The following PLCL1 variants were observed in gnomAD, a reference collection of about 807,000 sequenced individuals.
The protein encoded by PLCL1 is inactive phospholipase C-like protein 1.
In PLCL1, 41 loss-of-function variants were observed where a neutral mutation model predicts 84.4. The ratio of observed to expected loss-of-function variants is 0.49; its 90% CI spans 0.38 to 0.63. The LOEUF is 0.63. PLCL1 is among the 30% of genes least tolerant of loss of function. The pLI is 0.00. For synonymous variants in PLCL1, 490 were observed against 488.3 expected (o/e 1.00, Z -0.05); for missense variants, 1,206 against 1,367.8 (o/e 0.88, Z 1.87).
intron 1 of PLCL1, among the ~76,000 whole-genome samples, chr2:198,009,055 T>G (rs73058834): frequency 0.18 from 27,982 of 151,856 alleles, 2,635 homozygotes; most frequent in East Asian, 0.26. Context: ...AATTTTTTTG[T>G]TGTTGTTAAA....
chr2:198,126,613 G>A (rs1693991352), intron 5 of PLCL1, among the ~76,000 whole-genome samples: 1 of 152,070 alleles, frequency 6.6e-6, no homozygotes, highest in South Asian at 2.1e-4. Flanking sequence ...AGTTAAAAAT[G>A]ATAGAGCCAG....
intron 1 of PLCL1, among the ~76,000 whole-genome samples, chr2:197,928,619 A>AATTCTAAAAG (rs1405846518): frequency 2.3e-4 from 35 of 152,198 alleles, no homozygotes; most frequent in African/African-American, 8.2e-4. Context: ...TGGATCCCAC[A>AATTCTAAAAG]ATTCTAAAAG....
At chr2:198,110,751 C>A (rs1398073826) in intron 5 of PLCL1, among the ~76,000 whole-genome samples, 1 of 151,770 alleles carries the variant, frequency 6.6e-6, no homozygotes, top group Non-Finnish European at 1.5e-5. Flanking sequence ...GACATAGTGA[C>A]CATGCCTTTG....
intron 5 of PLCL1, among the ~76,000 whole-genome samples, chr2:198,118,672 C>T (rs1226723904): frequency 6.6e-6 from 1 of 151,980 alleles, no homozygotes; most frequent in Non-Finnish European, 1.5e-5. Context: ...TAAGGTTTAA[C>T]AGTCTAATCC....
intron 1 of PLCL1, among the ~76,000 whole-genome samples, chr2:197,985,234 C>G (rs1400767463): frequency 6.6e-6 from 1 of 152,196 alleles, no homozygotes; most frequent in Non-Finnish European, 1.5e-5. Context: ...CGTGTGAAGT[C>G]TCAGTTTCTT....
At chr2:198,083,139 G>A (rs1054451219) in intron 1 of PLCL1, among the ~76,000 whole-genome samples, 4 of 152,324 alleles carry the variant, frequency 2.6e-5, no homozygotes, top group South Asian at 4.1e-4. Context: ...ATGCAGGCGT[G>A]AATTCCTATA....
chr2:198,109,299 A>G (rs1224190310), intron 5 of PLCL1, among the ~76,000 whole-genome samples: 1 of 151,824 alleles, frequency 6.6e-6, no homozygotes. Context: ...AAAAGAAGGT[A>G]AAAGGGCCTA....
intron 1 of PLCL1, among the ~76,000 whole-genome samples, chr2:198,075,373 CA>C: frequency 6.6e-6 from 1 of 152,244 alleles, no homozygotes; most frequent in Non-Finnish European, 1.5e-5. Flanking sequence ...AATAAATCGT[CA>C]GATGACCTTT....
intron 1 of PLCL1, among the ~76,000 whole-genome samples, chr2:197,806,069 C>T (rs1486141363): frequency 1.3e-5 from 2 of 152,170 alleles, no homozygotes; most frequent in Non-Finnish European, 2.9e-5. Flanking sequence ...ATCTTCCTTC[C>T]ACTTGGGGCT....
intron 1 of PLCL1, among the ~76,000 whole-genome samples, chr2:197,853,059 C>T (rs1315787998): frequency 1.3e-5 from 2 of 152,164 alleles, no homozygotes; most frequent in African/African-American, 4.8e-5. Flanking sequence ...CACTATTCTG[C>T]TTTCTGTCTT....
At chr2:198,065,682 T>C (rs915556364) in intron 1 of PLCL1, among the ~76,000 whole-genome samples, 2 of 152,226 alleles carry the variant, frequency 1.3e-5, no homozygotes, top group African/African-American at 2.4e-5. Context: ...TTGCATCTGT[T>C]TGTGGCTGTT....
Position 198,146,971 on chromosome 2 carries a change from A to G in PLCL1, c.*9A>G. On this transcript the variant is annotated 3_prime_UTR_variant, in exon 6 of 6. Coordinates refer to ENST00000428675, the MANE Select transcript of PLCL1 (RefSeq NM_006226.4). ...AGAATGGGAAGCTGTGACTCTGGGCATTATCGACACGTTCACCCATCTTAT... is the reference window on the plus strand; with the variant it reads ...AGAATGGGAAGCTGTGACTCTGGGCGTTATCGACACGTTCACCCATCTTAT... The G allele has an allele frequency of 6.3e-7, 1 of 1,576,344 alleles. No individual in the cohort carries two copies. Among genetic ancestry groups the G allele is most frequent in the Non-Finnish European group, 8.6e-7 (1 of 1,157,168 alleles).
chr2:197,865,649 G>T (rs1266320091), intron 1 of PLCL1, among the ~76,000 whole-genome samples: 1 of 152,016 alleles, frequency 6.6e-6, no homozygotes, highest in Non-Finnish European at 1.5e-5. Context: ...TAATTAGCAC[G>T]TTAAGTTAGA....
chr2:198,101,508 C>A, intron 4 of PLCL1, 148 bp downstream of exon 4: 1 of 598,124 alleles, frequency 1.7e-6, no homozygotes, highest in East Asian at 2.8e-5. Flanking sequence ...CTTTAAGTTA[C>A]ACTTTAGTCT....
At chr2:197,938,260 C>G (rs1298506787) in intron 1 of PLCL1, among the ~76,000 whole-genome samples, 1 of 152,080 alleles carries the variant, frequency 6.6e-6, no homozygotes, top group Non-Finnish European at 1.5e-5. Flanking sequence ...TACCAACTTC[C>G]ACATCCACCT....
chr2:197,924,039 C>A (rs1007674363), intron 1 of PLCL1, among the ~76,000 whole-genome samples: 4 of 148,086 alleles, frequency 2.7e-5, no homozygotes, highest in Non-Finnish European at 6.0e-5. Context: ...CGCAGGCACT[C>A]GGCAGGCTGA....
At chr2:197,961,952 T>C (rs543923977) in intron 1 of PLCL1, among the ~76,000 whole-genome samples, 44 of 152,048 alleles carry the variant, frequency 2.9e-4, no homozygotes, top group Non-Finnish European at 5.4e-4. Context: ...TCTATTATAA[T>C]TAGTAACAAA....
At position 197,980,864 on chromosome 2, in the gene PLCL1, G is replaced by T. The variant is rs374063974; in HGVS notation, c.241-102894G>T. Among the ~76,000 whole-genome samples the T allele has an allele frequency of 2.2e-4, 33 of 152,214 alleles. 1 individual carries two copies. The highest frequency in any genetic ancestry group is 7.5e-4 in the African/African-American group (31 of 41,520). On this transcript the variant is annotated intron_variant, in intron 1 of 5. Coordinates refer to ENST00000428675, the MANE Select transcript of PLCL1 (RefSeq NM_006226.4). Reference sequence around the variant, plus strand: ...GGTAGGGAAATTAATCGAGTAATATGGTGGCAAATGGTCAGAGAAGGCTGT... The same window carrying T: ...GGTAGGGAAATTAATCGAGTAATATTGTGGCAAATGGTCAGAGAAGGCTGT...
intron 1 of PLCL1, among the ~76,000 whole-genome samples, chr2:197,833,473 A>T (rs1691114074): frequency 6.6e-6 from 1 of 152,218 alleles, no homozygotes; most frequent in South Asian, 2.1e-4. Flanking sequence ...AAGCAACCTC[A>T]GCAGTCTACG....
Sources: gnomAD v4.1 joint callset for allele counts (sites outside exome capture counted in the v4.1 genomes callset) on GRCh38, gnomAD v4.1.1 for gene constraint, MANE v1.5 for transcripts, NCBI Gene and HGNC (gene_info 2026-07-23, HGNC 2026-07-21) for gene names.